DRC1: variants seen among roughly 807,000 people sequenced by gnomAD.
DRC1 encodes the protein dynein regulatory complex subunit 1, also known as dynein regulatory complex protein 1.
A neutral mutation model predicts 98.7 loss-of-function variants in DRC1; 74 were observed. The observed-to-expected ratio is 0.75, with a 90% CI of 0.62 to 0.91. The LOEUF is 0.91. Among genes scored for constraint, DRC1 ranks in the 40% least tolerant of loss-of-function variants. The pLI, the probability that DRC1 is intolerant of heterozygous loss-of-function variation, is 0.00. For missense variants in DRC1, 875 were observed against 886.0 expected (o/e 0.99, Z 0.16); for synonymous variants, 336 against 334.1 (o/e 1.01, Z -0.06).
intron 1 of DRC1, among the ~76,000 whole-genome samples, chr2:26,405,289 T>C (rs1678381354): frequency 1.3e-5 from 2 of 152,218 alleles, no homozygotes; most frequent in Admixed American, 6.5e-5. Flanking sequence ...AAACTCTCTG[T>C]GGATCAAGCC....
chr2:26,420,667 T>C (rs1162357952), intron 2 of DRC1, among the ~76,000 whole-genome samples: 2 of 152,142 alleles, frequency 1.3e-5, no homozygotes, highest in Non-Finnish European at 2.9e-5. Flanking sequence ...AATGATGCCC[T>C]TCTAGCCAAA....
intron 5 of DRC1, among the ~76,000 whole-genome samples, chr2:26,430,166 C>A (rs1663395372): frequency 6.6e-6 from 1 of 152,092 alleles, no homozygotes; most frequent in Admixed American, 6.5e-5. Flanking sequence ...AAGCATAAAG[C>A]CTGTGTGAGG....
intron 2 of DRC1, among the ~76,000 whole-genome samples, chr2:26,420,242 A>G (rs1251539728): frequency 3.3e-5 from 5 of 152,176 alleles, no homozygotes; most frequent in East Asian, 1.9e-4. Flanking sequence ...GTCACTGATC[A>G]GATAGTATTC....
chr2:26,408,679 G>A (rs1351824985), intron 1 of DRC1, among the ~76,000 whole-genome samples: 6 of 152,160 alleles, frequency 3.9e-5, no homozygotes, highest in Non-Finnish European at 7.4e-5. Flanking sequence ...GCTGAGGCAC[G>A]AGAATTGCTT....
intron 9 of DRC1, 103 bp from the exon 10 acceptor site, chr2:26,444,613 A>T (rs1663803903): frequency 2.5e-6 from 3 of 1,199,822 alleles, no homozygotes; most frequent in Non-Finnish European, 3.5e-6. Context: ...CAGGCCCAGG[A>T]ATTAGCACAG....
chr2:26,402,130 A>T lies in DRC1; in HGVS notation c.141A>T (p.Leu47Phe). The T allele has an allele frequency of 6.2e-7, 1 of 1,608,518 alleles. No individual in the cohort carries two copies. The highest frequency in any genetic ancestry group is 8.5e-7 in the Non-Finnish European group (1 of 1,178,270). ...QARRLRIAAR[L>F]EARRREALGE... is the part of the protein sequence containing the mutation. ...GGCGCCTCCGCATCGCTGCGCGCTT[A>T]GAAGCCCGGAGGCGGTGAGCGCGGG... The change falls in exon 1 of 17, where the codon TTA (leucine) becomes TTT (phenylalanine). Residue 47 changes from leucine to phenylalanine, a missense_variant. Leu to Phe is a conservative substitution (Grantham distance 22). Coordinates refer to ENST00000288710, the MANE Select transcript of DRC1 (RefSeq NM_145038.5).
In DRC1 at chr2:26,424,018, ATGTGTG is replaced by A. The variant is rs59951454; in HGVS notation, c.357-243_357-238del. Among the ~76,000 whole-genome samples the A allele has an allele frequency of 5.8e-3, 873 of 151,586 alleles. 17 individuals carry two copies. The East Asian group carries it at 0.074, about 13-fold the overall frequency. ...TGTGTGTGCGTGTGCACGCGTGTGT[ATGTGTG>A]TGTGTGTGTAGCCTTAATGTTGATC... On this transcript the variant is annotated intron_variant, in intron 3 of 16. Coordinates refer to ENST00000288710, the MANE Select transcript of DRC1 (RefSeq NM_145038.5).
At position 26,433,337 on chromosome 2, in the gene DRC1, C is replaced by T. The variant is rs1572371192; in HGVS notation, c.888+1331C>T. Among the ~76,000 whole-genome samples, 3 of 152,138 alleles carry T rather than the reference C, an allele frequency of 2.0e-5. No homozygotes were observed. The South Asian group carries it at 6.2e-4, about 32-fold the overall frequency. On this transcript the variant is annotated intron_variant, in intron 7 of 16. Coordinates refer to ENST00000288710, the MANE Select transcript of DRC1 (RefSeq NM_145038.5). ...CGAAGCTTTTGTTAGAGTTTCAGTT[C>T]TTTTCCTGTTACTTGATATCATGAA...
At chr2:26,431,205 C>T (rs1023801870) in intron 6 of DRC1, among the ~76,000 whole-genome samples, 2 of 152,186 alleles carry the variant, frequency 1.3e-5, no homozygotes, top group African/African-American at 4.8e-5. Flanking sequence ...CCTCTCGTCT[C>T]GGCCTTCCAA....
chr2:26,406,355 T>C (rs1278183797), intron 1 of DRC1, among the ~76,000 whole-genome samples: 3 of 152,232 alleles, frequency 2.0e-5, no homozygotes, highest in African/African-American at 7.2e-5. Context: ...TGTTGCTGCC[T>C]GGGCCTTCTT....
chr2:26,403,747 A>T (rs1162904651), intron 1 of DRC1, among the ~76,000 whole-genome samples: 1 of 146,498 alleles, frequency 6.8e-6, no homozygotes, highest in African/African-American at 2.5e-5. Context: ...GTGAGCTGAG[A>T]TAGCGCCACT....
Position 26,432,103 on chromosome 2 carries a change from GAGGT to G in DRC1, c.888+100_888+103del, listed in dbSNP as rs569128457. ...TTTAGCAACTACCTGTGATATTCTAGAGGTAGTCCCTTCAGCACGTATTTATTAA... is the reference window on the plus strand; with the variant it reads ...TTTAGCAACTACCTGTGATATTCTAGAGTCCCTTCAGCACGTATTTATTAA... On this transcript the variant is annotated intron_variant, in intron 7 of 16. Transcript: ENST00000288710. The G allele has an allele frequency of 3.4e-6, 5 of 1,469,330 alleles. No individual in the cohort carries two copies. In the South Asian group the frequency reaches 6.7e-5, roughly 20 times the overall value. 91.0% of individuals were successfully genotyped at this position (1,469,330 alleles called of 1,614,324 possible).
chr2:26,411,915 T>C (rs1678623591), intron 1 of DRC1, among the ~76,000 whole-genome samples: 1 of 152,150 alleles, frequency 6.6e-6, no homozygotes, highest in African/African-American at 2.4e-5. Context: ...ATTATTTAAA[T>C]AGAGTTGGTC....
chr2:26,410,527 C>A (rs1226604279), intron 1 of DRC1, among the ~76,000 whole-genome samples: 1 of 152,136 alleles, frequency 6.6e-6, no homozygotes, highest in East Asian at 1.9e-4. Context: ...CCGCCTTGGC[C>A]TCCCAAAGTG....
chr2:26,426,108 C>A (rs1317044623), intron 4 of DRC1, among the ~76,000 whole-genome samples: 1 of 152,098 alleles, frequency 6.6e-6, no homozygotes, highest in Non-Finnish European at 1.5e-5. Context: ...ATTCTTTTGC[C>A]TGTGAATATC....
chr2:26,436,314 C>T (rs1454587717), intron 7 of DRC1, among the ~76,000 whole-genome samples: 1 of 151,992 alleles, frequency 6.6e-6, no homozygotes, highest in African/African-American at 2.4e-5. Context: ...CTCCCCCTGC[C>T]CTTTATTTTT....
intron 11 of DRC1, 21 bp from the exon 12 acceptor site, chr2:26,449,975 T>C: frequency 6.2e-7 from 1 of 1,610,896 alleles, no homozygotes; most frequent in Non-Finnish European, 8.5e-7. Context: ...CGACAGGAGA[T>C]GCCTTCTTCC....
chr2:26,450,613 G>C lies in DRC1; in HGVS notation c.1621G>C (p.Asp541His). The C allele has an allele frequency of 6.2e-7, 1 of 1,612,182 alleles. No individual in the cohort carries two copies. The highest frequency in any genetic ancestry group is 8.5e-7 in the Non-Finnish European group (1 of 1,178,990). Reference sequence around the variant, plus strand: ...CCAGGCCCTTGGAATTGAAAGTGAGGATGACTTGTATAAACTGGTGAACTT... The same window carrying C: ...CCAGGCCCTTGGAATTGAAAGTGAGCATGACTTGTATAAACTGGTGAACTT... Reference protein sequence around the residue: ...IFSALGIESEDDLYKLVNFFL... With the variant: ...IFSALGIESEHDLYKLVNFFL... The change falls in exon 13 of 17, where the codon GAT becomes CAT. Residue 541 changes from aspartate (D) to histidine (H), a missense_variant. Asp to His is a moderately conservative substitution (Grantham distance 81). Transcript: ENST00000288710.
intron 11 of DRC1, among the ~76,000 whole-genome samples, chr2:26,449,349 T>C (rs1416494798): frequency 6.6e-6 from 1 of 152,240 alleles, no homozygotes; most frequent in East Asian, 1.9e-4. Flanking sequence ...AAGTGGGTAT[T>C]CTTTTAGGAT....
Sources: gnomAD v4.1 joint callset for allele counts (sites outside exome capture counted in the v4.1 genomes callset) on GRCh38, gnomAD v4.1.1 for gene constraint, MANE v1.5 for transcripts, NCBI Gene and HGNC (gene_info 2026-07-23, HGNC 2026-07-21) for gene names.